The following SLC4A4 variants were observed in gnomAD, a reference collection of about 807,000 sequenced individuals.
SLC4A4 encodes electrogenic sodium bicarbonate cotransporter 1.
A neutral mutation model predicts 111.5 loss-of-function variants in SLC4A4; 27 were observed. That is an observed-to-expected ratio of 0.24 (90% confidence interval 0.18 to 0.33). The LOEUF (loss-of-function observed/expected upper bound fraction) is 0.33. Ranked by LOEUF, SLC4A4 falls within the 10% of genes least tolerant of loss-of-function variation. The pLI is 1.00. For missense variants in SLC4A4, 909 were observed against 1,315.5 expected, an observed-to-expected ratio of 0.69 and a Z score of 4.78; for synonymous variants, 443 against 463.4, an observed-to-expected ratio of 0.96 and a Z score of 0.57.
At chr4:71,316,953 C>A (rs1236810514) in intron 3 of SLC4A4, among the ~76,000 whole-genome samples, 1 of 151,942 alleles carries the variant, frequency 6.6e-6, no homozygotes, top group African/African-American at 2.4e-5. Flanking sequence ...AACTCCTGAG[C>A]TCAAGCAGTC....
chr4:71,187,709 C>T (rs1438520432), intron 1 of SLC4A4, among the ~76,000 whole-genome samples: 1 of 152,178 alleles, frequency 6.6e-6, no homozygotes, highest in Non-Finnish European at 1.5e-5. Context: ...ACGAGGACTG[C>T]GGGGCCAGTT....
chr4:71,171,133 A>G lies in SLC4A4; in HGVS notation c.-1-65443A>G, dbSNP rs190016243. 2.0e-5 allele frequency among the ~76,000 whole-genome samples: 3 copies of G among 152,116 alleles called. No homozygotes were observed. The East Asian group carries it at 5.8e-4, about 29-fold the overall frequency. On this transcript the variant is annotated intron_variant, in intron 2 of 26. Transcript: ENST00000649996. ...ACAGTTGATGAAGAATTACTGAAGA[A>G]CTACTGAAAAATTTTTGTTTGTTTT...
chr4:71,310,669 G>A (rs568761180), intron 3 of SLC4A4, among the ~76,000 whole-genome samples: 6 of 152,288 alleles, frequency 3.9e-5, no homozygotes, highest in Admixed American at 2.0e-4. Context: ...CCTTACAGGA[G>A]CTCCTGAAGA....
intron 7 of SLC4A4, among the ~76,000 whole-genome samples, chr4:71,420,311 A>G (rs546635084): frequency 6.6e-6 from 1 of 152,342 alleles, no homozygotes; most frequent in East Asian, 1.9e-4. Flanking sequence ...AAACGAACAA[A>G]GCCTCCAAGA....
At chr4:71,215,560 C>T (rs1282595065) in intron 1 of SLC4A4, among the ~76,000 whole-genome samples, 1 of 152,206 alleles carries the variant, frequency 6.6e-6, no homozygotes. Flanking sequence ...CTGTGCCAGG[C>T]ACTTTCACAT....
At chr4:71,190,086 C>T (rs1745659023) in intron 1 of SLC4A4, among the ~76,000 whole-genome samples, 1 of 152,048 alleles carries the variant, frequency 6.6e-6, no homozygotes, top group Admixed American at 6.6e-5. Flanking sequence ...GGATAAAGAA[C>T]ATCCAGGAAG....
intron 2 of SLC4A4, among the ~76,000 whole-genome samples, chr4:71,144,947 C>T (rs1294211439): frequency 1.4e-4 from 21 of 152,018 alleles, no homozygotes; most frequent in Admixed American, 2.6e-4. Flanking sequence ...ATTTCCTTCT[C>T]CTGCCTGATT....
chr4:71,337,148 G>T (rs970529696), intron 3 of SLC4A4, among the ~76,000 whole-genome samples: 1 of 152,180 alleles, frequency 6.6e-6, no homozygotes, highest in Non-Finnish European at 1.5e-5. Flanking sequence ...ATGGACTGAA[G>T]AGCTAGCTGC....
At chr4:71,380,307 T>A (rs1006792462) in intron 6 of SLC4A4, among the ~76,000 whole-genome samples, 2 of 152,164 alleles carry the variant, frequency 1.3e-5, no homozygotes, top group African/African-American at 2.4e-5. Context: ...AACATTTCTC[T>A]GAAGTAAGCA....
intron 16 of SLC4A4, among the ~76,000 whole-genome samples, chr4:71,520,849 G>C (rs1169618223): frequency 6.6e-6 from 1 of 151,742 alleles, no homozygotes. Context: ...TTTTTTTTGG[G>C]GGGGTGGCTA....
intron 4 of SLC4A4, among the ~76,000 whole-genome samples, chr4:71,345,430 T>C (rs1729240589): frequency 6.6e-6 from 1 of 152,136 alleles, no homozygotes; most frequent in South Asian, 2.1e-4. Flanking sequence ...TAACCACTGT[T>C]GTATGAATGT....
chr4:71,168,591 C>T (rs2148981117), intron 2 of SLC4A4, among the ~76,000 whole-genome samples: 1 of 152,178 alleles, frequency 6.6e-6, no homozygotes. Context: ...TAGCCCTCCC[C>T]ACTTTCCCCC....
chr4:71,540,476 G>A (rs1265058618), intron 18 of SLC4A4, among the ~76,000 whole-genome samples: 2 of 152,098 alleles, frequency 1.3e-5, no homozygotes, highest in African/African-American at 2.4e-5. Flanking sequence ...TAGAACAACC[G>A]TTTGGTTTGT....
Position 71,177,771 on chromosome 4 carries a change from G to A in SLC4A4, c.-1-58805G>A, listed in dbSNP as rs532303679. ...CACTGTCAACATTAGACAGATGAATGGGACAGAAAGTTAACAAGGATATCC... is the reference window on the plus strand; with the variant it reads ...CACTGTCAACATTAGACAGATGAATAGGACAGAAAGTTAACAAGGATATCC... On this transcript the variant is annotated intron_variant, in intron 2 of 26. Coordinates refer to the SLC4A4 transcript ENST00000649996. 2.0e-5 allele frequency among the ~76,000 whole-genome samples: 3 copies of A among 152,212 alleles called. No individual in the cohort carries two copies. In the East Asian group the frequency reaches 5.8e-4, roughly 29 times the overall value.
rs1737654763 is a variant in SLC4A4 at position 71,568,024 on chromosome 4, G to A, written c.*273G>A. On this transcript the variant is annotated 3_prime_UTR_variant, in exon 26 of 26. Coordinates refer to ENST00000264485, the MANE Select transcript of SLC4A4 (RefSeq NM_001098484.3). Reference sequence around the variant, plus strand: ...GGCCAAATAATACAGCGCTCTCTCTGCTTCTCTCTTGCATAGACACAATCA... The same window carrying A: ...GGCCAAATAATACAGCGCTCTCTCTACTTCTCTCTTGCATAGACACAATCA... 8 of 636,304 alleles carry A rather than the reference G, an allele frequency of 1.3e-5. No individual in the cohort carries two copies. The highest frequency in any genetic ancestry group is 2.0e-5 in the Non-Finnish European group (7 of 353,270). The allele number at this position is 636,304 out of a possible 1,614,324, so 39.4% of individuals were successfully genotyped here.
At chr4:71,452,145 A>T in intron 11 of SLC4A4, among the ~76,000 whole-genome samples, 1 of 152,064 alleles carries the variant, frequency 6.6e-6, no homozygotes, top group East Asian at 1.9e-4. Flanking sequence ...ATGCAATTGA[A>T]TGTGAATGAA....
At chr4:71,279,024 T>C (rs1184325607) in intron 3 of SLC4A4, among the ~76,000 whole-genome samples, 1 of 152,210 alleles carries the variant, frequency 6.6e-6, no homozygotes, top group Non-Finnish European at 1.5e-5. Context: ...GTGAAATAAT[T>C]ACCATAATCA....
chr4:71,134,031 T>A (rs964815519), intron 2 of SLC4A4, among the ~76,000 whole-genome samples: 20 of 152,158 alleles, frequency 1.3e-4, no homozygotes, highest in African/African-American at 3.9e-4. Flanking sequence ...TACGGGATGG[T>A]GTGCCAAGGA....
intron 1 of SLC4A4, among the ~76,000 whole-genome samples, chr4:71,213,517 T>G (rs1275974167): frequency 2.6e-5 from 4 of 152,164 alleles, no homozygotes; most frequent in Non-Finnish European, 5.9e-5. Flanking sequence ...TAATTGCTCT[T>G]TATTAAGAGT....
Sources: allele counts gnomAD v4.1 joint callset (sites outside exome capture counted in the v4.1 genomes callset), GRCh38; gene constraint gnomAD v4.1.1; transcripts MANE v1.5; gene names NCBI Gene and HGNC (gene_info 2026-07-23, HGNC 2026-07-21).